ZDHHC5: variants seen among roughly 807,000 people sequenced by gnomAD.
ZDHHC5 encodes the protein palmitoyltransferase ZDHHC5.
Under a neutral mutation model 70.0 loss-of-function variants are expected in ZDHHC5, and 22 were observed. The observed-to-expected ratio is 0.31, with a 90% CI of 0.22 to 0.45. The LOEUF (loss-of-function observed/expected upper bound fraction) is 0.45, where lower values mean the gene tolerates loss of function less well. Ranked by LOEUF, ZDHHC5 falls within the 20% of genes least tolerant of loss-of-function variation. The pLI is 1.00. For synonymous variants in ZDHHC5, 313 were observed against 347.8 expected, an observed-to-expected ratio of 0.90 and a Z score of 1.11; for missense variants, 746 against 926.9, an observed-to-expected ratio of 0.80 and a Z score of 2.53.
intron 6 of ZDHHC5, among the ~76,000 whole-genome samples, chr11:57,691,491 C>T (rs903262034): frequency 6.6e-6 from 1 of 152,076 alleles, no homozygotes; most frequent in Non-Finnish European, 1.5e-5. Context: ...GCCACTGCGC[C>T]CAGCCTAAAA....
rs750453746 is a variant in ZDHHC5, at chr11:57,692,706, C to T, written c.752+4C>T. 6.2e-7 allele frequency: 1 copy of T among 1,614,040 alleles called. No homozygotes were observed. Among genetic ancestry groups the T allele is most frequent in the South Asian group, 1.1e-5 (1 of 91,076 alleles). On this transcript the variant is annotated splice_donor_region_variant and intron_variant, in intron 7 of 11. Coordinates refer to ENST00000287169, the MANE Select transcript of ZDHHC5 (RefSeq NM_015457.3). ...TCTGCAGTTCTCCAGCACCCAGGTA[C>T]ACCTATCCCTCTGGTCTAGTGTTTA...
intron 5 of ZDHHC5, 41 bp from the exon 6 acceptor site, chr11:57,690,294 G>A (rs767751604): frequency 5.4e-5 from 87 of 1,613,880 alleles, no homozygotes; most frequent in Non-Finnish European, 7.1e-5. Context: ...CGGGGAAAGT[G>A]AGGTCATGTT....
intron 10 of ZDHHC5, among the ~76,000 whole-genome samples, chr11:57,697,743 T>C (rs1012044561): frequency 6.7e-6 from 1 of 148,466 alleles, no homozygotes; most frequent in African/African-American, 2.5e-5. Context: ...GGGAGGAGAA[T>C]TGCTTGAACC....
At chr11:57,671,799 GGTGAAGCCATGTTCTGC>G (rs1946009817) in intron 1 of ZDHHC5, among the ~76,000 whole-genome samples, 1 of 152,166 alleles carries the variant, frequency 6.6e-6, no homozygotes, top group African/African-American at 2.4e-5. Context: ...CCTTTGGCCA[GGTGAAGCCATGTTCTGC>G]TTCCAATCTG....
At chr11:57,687,762 T>G (rs1164954177) in intron 3 of ZDHHC5, among the ~76,000 whole-genome samples, 2 of 114,832 alleles carry the variant, frequency 1.7e-5, no homozygotes, top group South Asian at 3.3e-4. Flanking sequence ...GAAAGTTTTT[T>G]TTTTTTTTTT....
At chr11:57,674,280 A>G (rs1365890563) in intron 2 of ZDHHC5, among the ~76,000 whole-genome samples, 1 of 151,900 alleles carries the variant, frequency 6.6e-6, no homozygotes, top group East Asian at 1.9e-4. Flanking sequence ...TGTTATTGGA[A>G]GAGACTGAGT....
At chr11:57,685,660 A>G (rs1168438929) in intron 3 of ZDHHC5, among the ~76,000 whole-genome samples, 2 of 152,080 alleles carry the variant, frequency 1.3e-5, no homozygotes, top group Non-Finnish European at 2.9e-5. Flanking sequence ...AAGAAAAGTA[A>G]ATAAAAAATA....
intron 3 of ZDHHC5, 111 bp from the exon 4 acceptor site, chr11:57,688,397 T>TG (rs1946239322): frequency 8.0e-7 from 1 of 1,252,666 alleles, no homozygotes; most frequent in African/African-American, 1.5e-5. Context: ...GTCTCACTCA[T>TG]TAGACTGTGA....
At chr11:57,675,593 T>C (rs1408751813) in intron 2 of ZDHHC5, among the ~76,000 whole-genome samples, 2 of 152,208 alleles carry the variant, frequency 1.3e-5, no homozygotes, top group Non-Finnish European at 2.9e-5. Context: ...CTGGAGTTCC[T>C]TCCCCCTGGC....
intron 2 of ZDHHC5, among the ~76,000 whole-genome samples, chr11:57,675,241 GGA>G (rs1393927241): frequency 6.6e-6 from 1 of 152,188 alleles, no homozygotes; most frequent in Non-Finnish European, 1.5e-5. Flanking sequence ...CAAAGCCTTT[GGA>G]GAAGGAAATT....
At position 57,693,927 on chromosome 11, in the gene ZDHHC5, A is replaced by G. The variant is rs1459398566; in HGVS notation, c.885+12A>G. On this transcript the variant is annotated intron_variant, in intron 8 of 11. Transcript: ENST00000287169. ...TGAGGAGAACAAAGGTGAGGAATTT[A>G]GAGAAGTCAAGCTAGATAACATGGA... 2 of 1,606,672 alleles carry G rather than the reference A, an allele frequency of 1.2e-6. No homozygotes were observed. The highest frequency in any genetic ancestry group is 8.5e-7 in the Non-Finnish European group (1 of 1,177,230).
At position 57,700,086 on chromosome 11, in the gene ZDHHC5, G is replaced by A; in HGVS notation, c.*55G>A. The A allele has an allele frequency of 6.6e-7, 1 of 1,510,228 alleles. No individual in the cohort carries two copies. The allele number at this position is 1,510,228 out of a possible 1,614,324, so 93.6% of individuals were successfully genotyped here. A position where few individuals can be genotyped will look rare whatever the true frequency, so the allele number is the denominator to read the frequency against. On this transcript the variant is annotated 3_prime_UTR_variant, in exon 12 of 12. Coordinates refer to ENST00000287169, the MANE Select transcript of ZDHHC5 (RefSeq NM_015457.3). ...CTGCGCCTACACCAAAGGGCCCCAG[G>A]TGGCCACCTTCCTTCCCTCAAGGGG...
At chr11:57,687,591 C>T (rs1946223071) in intron 3 of ZDHHC5, among the ~76,000 whole-genome samples, 1 of 151,660 alleles carries the variant, frequency 6.6e-6, no homozygotes. Flanking sequence ...AAATTGCTAA[C>T]TGTATATGAG....
intron 9 of ZDHHC5, 129 bp downstream of exon 9, chr11:57,696,172 T>C: frequency 7.2e-7 from 1 of 1,384,206 alleles, no homozygotes; most frequent in African/African-American, 1.4e-5. Context: ...ACCCAACAGT[T>C]GGTACTTGTG....
chr11:57,682,729 C>T (rs1043915741), intron 3 of ZDHHC5, among the ~76,000 whole-genome samples, 186 bp downstream of exon 3: 1 of 152,120 alleles, frequency 6.6e-6, no homozygotes, highest in African/African-American at 2.4e-5. Context: ...TTATCATTTT[C>T]TGATGATGAA....
intron 7 of ZDHHC5, among the ~76,000 whole-genome samples, chr11:57,693,093 G>C (rs1009324151): frequency 1.3e-5 from 2 of 152,002 alleles, no homozygotes; most frequent in Non-Finnish European, 2.9e-5. Flanking sequence ...AATCACTTGA[G>C]GTCAGAAGTT....
At chr11:57,682,752 G>C (rs773326410) in intron 3 of ZDHHC5, among the ~76,000 whole-genome samples, 2 of 152,162 alleles carry the variant, frequency 1.3e-5, no homozygotes, top group East Asian at 1.9e-4. Flanking sequence ...TCAGGTCAGG[G>C]TCTTTAGGAA....
At chr11:57,696,181 T>G in intron 9 of ZDHHC5, 138 bp downstream of exon 9, 2 of 1,352,634 alleles carry the variant, frequency 1.5e-6, no homozygotes, top group Non-Finnish European at 1.9e-6. Context: ...TTGGTACTTG[T>G]GCTACTTTGC....
At chr11:57,670,820 ATTT>A (rs36089922) in intron 1 of ZDHHC5, among the ~76,000 whole-genome samples, 27 of 128,508 alleles carry the variant, frequency 2.1e-4, no homozygotes, top group Admixed American at 3.2e-4. Flanking sequence ...GAATCTTCTG[ATTT>A]TTTTTTTTTT....
Sources: gnomAD v4.1 joint callset for allele counts (sites outside exome capture counted in the v4.1 genomes callset) on GRCh38, gnomAD v4.1.1 for gene constraint, MANE v1.5 for transcripts, NCBI Gene and HGNC (gene_info 2026-07-23, HGNC 2026-07-21) for gene names.